NDUFC2: variants seen among roughly 807,000 people sequenced by gnomAD.
NDUFC2 encodes the protein NADH:ubiquinone oxidoreductase subunit C2.
Under a neutral mutation model 10.1 loss-of-function variants are expected in NDUFC2, and 2 were observed. The observed-to-expected ratio is 0.20, with a 90% confidence interval of 0.08 to 0.62. NDUFC2 has a LOEUF of 0.62. NDUFC2 is among the 20% of genes least tolerant of loss of function. The pLI is 0.87. For missense variants in NDUFC2, 156 were observed against 159.6 expected, an observed-to-expected ratio of 0.98 and a Z score of 0.12; for synonymous variants, 61 against 63.6, an observed-to-expected ratio of 0.96 and a Z score of 0.20.
Position 78,073,059 on chromosome 11 carries a change from A to G in NDUFC2, c.249T>C (p.Ala83=), listed in dbSNP as rs1013469649. The G allele has an allele frequency of 6.2e-7, 1 of 1,614,074 alleles. No homozygotes were observed. Among genetic ancestry groups the G allele is most frequent in the Non-Finnish European group, 8.5e-7 (1 of 1,180,042 alleles). Residue 83 remains alanine (A), a synonymous_variant, in exon 2 of 3, where the codon GCT becomes GCC. Transcript: ENST00000281031. ...ATCCAAACATTTCACGGTCCCTCACAGCATACAGGTAGTCTTCACGTTTTA... is the reference window on the plus strand; with the variant it reads ...ATCCAAACATTTCACGGTCCCTCACGGCATACAGGTAGTCTTCACGTTTTA... ...YLVKREDYLY[A]VRDREMFGYM... is the part of the protein sequence containing the mutation.
In NDUFC2 at chr11:78,077,612, G is replaced by A. The variant is rs1363819266; in HGVS notation, c.166+1967C>T. On this transcript the variant is annotated intron_variant, in intron 1 of 2. Transcript: ENST00000281031. ...ACTTTGTTGCCCAGGCTGGAGTGCA[G>A]TGGTGCAATCGTGGCTCGCTGCAGC... is the stretch of plus-strand genomic sequence containing the variant. Among the ~76,000 whole-genome samples, 4 of 152,160 alleles carry A rather than the reference G, an allele frequency of 2.6e-5. No homozygotes were observed. In the East Asian group the frequency reaches 7.8e-4, roughly 29 times the overall value.
chr11:78,069,881 T>C lies in NDUFC2; in HGVS notation c.*106A>G. 6.2e-7 allele frequency: 1 copy of C among 1,609,596 alleles called. No individual in the cohort carries two copies. On this transcript the variant is annotated 3_prime_UTR_variant, in exon 3 of 3. Coordinates refer to ENST00000281031, the MANE Select transcript of NDUFC2 (RefSeq NM_004549.6). Reference sequence around the variant, plus strand: ...CATGGTACGTATTTTAATTACAAGGTGTCAACATACAGATTAGCATAAGCT... The same window carrying C: ...CATGGTACGTATTTTAATTACAAGGCGTCAACATACAGATTAGCATAAGCT...
rs1330229227 is a variant in NDUFC2 at position 78,069,375 on chromosome 11, T to A, written c.*612A>T. The stretch of plus-strand genomic sequence containing the variant: ...ATTTCTGTTTTCCTTGTCTGGAGTC[T>A]CCTCCTTCGAAACCACCTTCTATAT... On this transcript the variant is annotated 3_prime_UTR_variant, in exon 3 of 3. Transcript: ENST00000281031. The A allele has an allele frequency of 2.0e-5, 3 of 153,110 alleles. No individual in the cohort carries two copies. Among genetic ancestry groups the A allele is most frequent in the Non-Finnish European group, 2.9e-5 (2 of 68,784 alleles). The allele number at this position is 153,110 out of a possible 1,614,324, so 9.5% of individuals were successfully genotyped here.
chr11:78,078,897 G>GT (rs1341877962), intron 1 of NDUFC2, among the ~76,000 whole-genome samples: 1 of 119,606 alleles, frequency 8.4e-6, no homozygotes, highest in African/African-American at 2.9e-5. Context: ...GCTAACTTTT[G>GT]TATTTTTTTG....
intron 1 of NDUFC2, among the ~76,000 whole-genome samples, chr11:78,078,544 T>C (rs918363376): frequency 1.3e-5 from 2 of 152,176 alleles, no homozygotes; most frequent in Admixed American, 1.3e-4. Flanking sequence ...GCAAAGCTAC[T>C]GTGGTGGTTA....
At position 78,076,467 on chromosome 11, in the gene NDUFC2, C is replaced by CTA. The variant is rs374748191; in HGVS notation, c.166+3110_166+3111dup. On this transcript the variant is annotated intron_variant, in intron 1 of 2. Coordinates refer to ENST00000281031, the MANE Select transcript of NDUFC2 (RefSeq NM_004549.6). The stretch of plus-strand genomic sequence containing the variant: ...TCACTCAATACTTACTGAACACCTA[C>CTA]TATAGATATTAGACACTGAGCTAGA... Among the ~76,000 whole-genome samples, 597 of 152,304 alleles carry CTA rather than the reference C, an allele frequency of 3.9e-3. 5 individuals are homozygous for CTA. Among genetic ancestry groups the CTA allele is most frequent in the African/African-American group, 0.013 (549 of 41,578 alleles).
At position 78,073,161 on chromosome 11, in the gene NDUFC2, T is replaced by C. The variant is rs987067466; in HGVS notation, c.167-20A>G. The C allele has an allele frequency of 3.7e-6, 6 of 1,611,516 alleles. No individual in the cohort carries two copies. In the African/African-American group the frequency reaches 8.0e-5, roughly 22 times the overall value. On this transcript the variant is annotated intron_variant, in intron 1 of 2. Transcript: ENST00000281031. ...GCAAACCTGAAATTCAAATGACAAATCCCAAAGAAAGCAAAAATTAGTCCA... is the reference window on the plus strand; with the variant it reads ...GCAAACCTGAAATTCAAATGACAAACCCCAAAGAAAGCAAAAATTAGTCCA...
chr11:78,070,139 TG>T, intron 2 of NDUFC2, 103 bp from the exon 3 acceptor site: 1 of 792,892 alleles, frequency 1.3e-6, no homozygotes, highest in Non-Finnish European at 2.0e-6. Context: ...ATTGAAATCC[TG>T]CTGTGGTCTG....
chr11:78,075,612 A>G (rs1274489992), intron 1 of NDUFC2, among the ~76,000 whole-genome samples: 1 of 152,156 alleles, frequency 6.6e-6, no homozygotes, highest in African/African-American at 2.4e-5. Context: ...ATGAGACAGA[A>G]TCTTGCTCTG....
At chr11:78,070,140 G>T in intron 2 of NDUFC2, 104 bp from the exon 3 acceptor site, 1 of 792,732 alleles carries the variant, frequency 1.3e-6, no homozygotes, top group Non-Finnish European at 2.0e-6. Context: ...TTGAAATCCT[G>T]CTGTGGTCTG....
intron 1 of NDUFC2, among the ~76,000 whole-genome samples, chr11:78,078,728 C>CTTTTGTTTTTTTTTTTTTTTTTTTTTT (rs1859358365): frequency 1.6e-5 from 1 of 61,642 alleles, no homozygotes; most frequent in Non-Finnish European, 3.0e-5. Flanking sequence ...TCAGGATCCG[C>CTTTTGTTTTTTTTTTTTTTTTTTTTTT]TTTTTTTTTT....
Position 78,079,843 on chromosome 11 carries a change from C to T in NDUFC2, c.-99G>A, listed in dbSNP as rs1859447757. On this transcript the variant is annotated 5_prime_UTR_variant, in exon 1 of 3. Transcript: ENST00000281031. ...GGCCTAAGCGGTCAGCTTTCTCCTCCTCCTCTGCGCGCCGGACTCACGGGC... is the reference window on the plus strand; with the variant it reads ...GGCCTAAGCGGTCAGCTTTCTCCTCTTCCTCTGCGCGCCGGACTCACGGGC... 1.4e-6 allele frequency: 2 copies of T among 1,449,796 alleles called. No homozygotes were observed. Among genetic ancestry groups the T allele is most frequent in the Middle Eastern group, 1.8e-4 (1 of 5,594 alleles). The allele number at this position is 1,449,796 out of a possible 1,614,324, so 89.8% of individuals were successfully genotyped here. A position where few individuals can be genotyped will look rare whatever the true frequency, so the allele number is the denominator to read the frequency against.
At chr11:78,078,996 G>C (rs1859380882) in intron 1 of NDUFC2, among the ~76,000 whole-genome samples, 2 of 151,328 alleles carry the variant, frequency 1.3e-5, no homozygotes, top group African/African-American at 2.4e-5. Context: ...AAGGCGCTGG[G>C]ATTACAGGTG....
Position 78,079,790 on chromosome 11 carries a change from C to T in NDUFC2, c.-46G>A. On this transcript the variant is annotated 5_prime_UTR_variant, in exon 1 of 3. Coordinates refer to ENST00000281031, the MANE Select transcript of NDUFC2 (RefSeq NM_004549.6). The stretch of plus-strand genomic sequence containing the variant: ...AGGCCTGGTCTCAGACCACGAACTA[C>T]AAGGAAAACCACGACGACCACTACC... 1.3e-6 allele frequency: 2 copies of T among 1,561,458 alleles called. No homozygotes were observed. Among genetic ancestry groups the T allele is most frequent in the Non-Finnish European group, 1.7e-6 (2 of 1,159,356 alleles).
rs759839394 is a variant in NDUFC2 at position 78,079,568 on chromosome 11, G to A, written c.166+11C>T. ...TCTCCTCCCAGCCGATCCCGGCCGC[G>A]CAGCACTCACCAGCCGTCGCGATCG... On this transcript the variant is annotated intron_variant, in intron 1 of 2. Coordinates refer to ENST00000281031, the MANE Select transcript of NDUFC2 (RefSeq NM_004549.6). The A allele has an allele frequency of 1.3e-5, 20 of 1,548,874 alleles. No individual in the cohort carries two copies. The East Asian group carries it at 4.2e-4, about 32-fold the overall frequency.
intron 1 of NDUFC2, among the ~76,000 whole-genome samples, chr11:78,074,069 G>T (rs1443655404): frequency 1.3e-5 from 2 of 150,314 alleles, no homozygotes; most frequent in African/African-American, 4.9e-5. Context: ...TTTTTTAAGA[G>T]GGGTCTTGCT....
In NDUFC2 at chr11:78,079,562, G is replaced by T. The variant is rs887072463; in HGVS notation, c.166+17C>A. The T allele has an allele frequency of 5.8e-6, 9 of 1,547,828 alleles. No individual in the cohort carries two copies. In the Admixed American group the frequency reaches 9.8e-5, roughly 17 times the overall value. ...ACCCCTTCTCCTCCCAGCCGATCCC[G>T]GCCGCGCAGCACTCACCAGCCGTCG... is the stretch of plus-strand genomic sequence containing the variant. On this transcript the variant is annotated intron_variant, in intron 1 of 2. Coordinates refer to ENST00000281031, the MANE Select transcript of NDUFC2 (RefSeq NM_004549.6).
intron 1 of NDUFC2, among the ~76,000 whole-genome samples, chr11:78,078,217 C>T (rs1859330852): frequency 6.6e-6 from 1 of 152,196 alleles, no homozygotes; most frequent in Admixed American, 6.5e-5. Flanking sequence ...ACATTGCTGA[C>T]AAAGATGACT....
At chr11:78,078,573 T>C (rs949001012) in intron 1 of NDUFC2, among the ~76,000 whole-genome samples, 1 of 151,988 alleles carries the variant, frequency 6.6e-6, no homozygotes, top group African/African-American at 2.4e-5. Flanking sequence ...ATAGTCAGTG[T>C]CTCTGATAGG....
Sources: gnomAD v4.1 joint callset for allele counts (sites outside exome capture counted in the v4.1 genomes callset) on GRCh38, gnomAD v4.1.1 for gene constraint, MANE v1.5 for transcripts, NCBI Gene and HGNC (gene_info 2026-07-23, HGNC 2026-07-21) for gene names.